The following SNTG2 variants were observed in gnomAD, a reference collection of about 807,000 sequenced individuals.
SNTG2 encodes gamma-2-syntrophin.
In SNTG2, 74 loss-of-function variants were observed where a neutral mutation model predicts 70.9. That is an observed-to-expected ratio of 1.04 (90% CI 0.86 to 1.27). The LOEUF is 1.27. SNTG2 is among the 50% of genes most tolerant of loss of function. The pLI, the probability that SNTG2 is intolerant of heterozygous loss-of-function variation, is 0.00. For synonymous variants in SNTG2, 278 were observed against 273.8 expected (o/e 1.02, Z -0.15); for missense variants, 717 against 690.7 (o/e 1.04, Z -0.43).
chr2:999,741 A>T (rs1661806254), intron 1 of SNTG2, among the ~76,000 whole-genome samples: 1 of 152,000 alleles, frequency 6.6e-6, no homozygotes, highest in Non-Finnish European at 1.5e-5. Context: ...TTGAAAATCA[A>T]CTAAAAATTA....
At chr2:1,290,672 C>G (rs553784141) in intron 14 of SNTG2, among the ~76,000 whole-genome samples, 1 of 152,246 alleles carries the variant, frequency 6.6e-6, no homozygotes, top group East Asian at 1.9e-4. Context: ...CACAAGACAG[C>G]ACTAGGAGGA....
At chr2:976,052 A>G (rs1037727260) in intron 1 of SNTG2, among the ~76,000 whole-genome samples, 1 of 152,174 alleles carries the variant, frequency 6.6e-6, no homozygotes, top group Non-Finnish European at 1.5e-5. Context: ...GTCTCCCACA[A>G]CTGCTCTTTT....
chr2:1,066,862 T>C (rs1251030358), intron 1 of SNTG2, among the ~76,000 whole-genome samples: 1 of 152,176 alleles, frequency 6.6e-6, no homozygotes, highest in Non-Finnish European at 1.5e-5. Flanking sequence ...GAGGATCAGC[T>C]TCCACGATTA....
intron 9 of SNTG2, among the ~76,000 whole-genome samples, chr2:1,228,375 G>C (rs576713432): frequency 1.3e-5 from 2 of 152,156 alleles, no homozygotes; most frequent in African/African-American, 2.4e-5. Context: ...GGGGAGGAGC[G>C]CCTCTCTCTC....
At chr2:1,032,869 A>G (rs752615592) in intron 1 of SNTG2, among the ~76,000 whole-genome samples, 7 of 152,104 alleles carry the variant, frequency 4.6e-5, no homozygotes, top group Non-Finnish European at 7.4e-5. Flanking sequence ...AAAGAGGTTT[A>G]TTTGGCTCAC....
intron 4 of SNTG2, among the ~76,000 whole-genome samples, chr2:1,121,150 A>G (rs901000175): frequency 1.3e-5 from 2 of 152,102 alleles, no homozygotes; most frequent in Non-Finnish European, 2.9e-5. Flanking sequence ...GCCCTGAACA[A>G]TCAATGGGTC....
intron 14 of SNTG2, among the ~76,000 whole-genome samples, chr2:1,299,267 C>CTAA (rs1420592081): frequency 1.3e-5 from 2 of 152,176 alleles, no homozygotes; most frequent in African/African-American, 4.8e-5. Flanking sequence ...CAGGGCTGCC[C>CTAA]TAAGGAATGT....
chr2:1,077,535 C>G (rs957840808), intron 1 of SNTG2, among the ~76,000 whole-genome samples: 4 of 152,164 alleles, frequency 2.6e-5, no homozygotes, highest in Non-Finnish European at 4.4e-5. Context: ...TCATGTGAGG[C>G]TCCATGAACC....
At chr2:1,338,541 C>G (rs774209708) in intron 16 of SNTG2, among the ~76,000 whole-genome samples, 14 of 152,114 alleles carry the variant, frequency 9.2e-5, no homozygotes, top group Non-Finnish European at 1.6e-4. Context: ...CTCCCAATCC[C>G]CAGCTCCGGG....
intron 6 of SNTG2, among the ~76,000 whole-genome samples, chr2:1,144,200 C>A (rs1377251832): frequency 6.6e-6 from 1 of 152,084 alleles, no homozygotes; most frequent in Admixed American, 6.6e-5. Flanking sequence ...AAACATAGAA[C>A]CTGGTTTCTC....
At chr2:1,072,744 T>C (rs1179275838) in intron 1 of SNTG2, among the ~76,000 whole-genome samples, 1 of 152,174 alleles carries the variant, frequency 6.6e-6, no homozygotes, top group African/African-American at 2.4e-5. Context: ...GTGATTCCTC[T>C]GATGGATCTG....
At chr2:1,360,665 G>T (rs1661090454) in intron 16 of SNTG2, among the ~76,000 whole-genome samples, 1 of 149,906 alleles carries the variant, frequency 6.7e-6, no homozygotes, top group Non-Finnish European at 1.5e-5. Flanking sequence ...AAAAAAGTCT[G>T]TCCCTAGGGG....
chr2:1,037,912 A>C (rs1352141434), intron 1 of SNTG2, among the ~76,000 whole-genome samples: 2 of 152,152 alleles, frequency 1.3e-5, no homozygotes, highest in South Asian at 4.1e-4. Flanking sequence ...GGTGGTGTTC[A>C]AGCTTTGGTG....
intron 14 of SNTG2, among the ~76,000 whole-genome samples, chr2:1,288,711 C>CAT (rs1679869433): frequency 1.3e-5 from 2 of 152,238 alleles, no homozygotes; most frequent in Admixed American, 1.3e-4. Flanking sequence ...TGCCCACACA[C>CAT]ATGCAGACCA....
At chr2:1,154,113 G>A (rs1230936617) in intron 6 of SNTG2, among the ~76,000 whole-genome samples, 1 of 152,186 alleles carries the variant, frequency 6.6e-6, no homozygotes, top group Admixed American at 6.5e-5. Context: ...ATGAGGAAGA[G>A]GGCAGGGAGC....
At chr2:1,057,014 A>C (rs1662503506) in intron 1 of SNTG2, among the ~76,000 whole-genome samples, 1 of 149,082 alleles carries the variant, frequency 6.7e-6, no homozygotes, top group Non-Finnish European at 1.5e-5. Context: ...AGGGCGGCGC[A>C]GCGCTGTGCT....
At chr2:995,047 T>A (rs1370840027) in intron 1 of SNTG2, among the ~76,000 whole-genome samples, 1 of 151,664 alleles carries the variant, frequency 6.6e-6, no homozygotes, top group East Asian at 1.9e-4. Flanking sequence ...TCTAGATGAG[T>A]TTTAGTTCTT....
At chr2:1,251,030 A>C (rs1171377813) in intron 12 of SNTG2, among the ~76,000 whole-genome samples, 1 of 152,238 alleles carries the variant, frequency 6.6e-6, no homozygotes, top group Non-Finnish European at 1.5e-5. Flanking sequence ...CAGAGCCATC[A>C]GCAGGGCTTC....
intron 13 of SNTG2, 76 bp downstream of exon 13, chr2:1,259,517 T>C: frequency 8.3e-7 from 1 of 1,203,740 alleles, no homozygotes; most frequent in Non-Finnish European, 1.2e-6. Context: ...GAGGATTGTT[T>C]GTTCTGCGTG....
Sources: allele counts gnomAD v4.1 joint callset (sites outside exome capture counted in the v4.1 genomes callset), GRCh38; gene constraint gnomAD v4.1.1; transcripts MANE v1.5; gene names NCBI Gene and HGNC (gene_info 2026-07-23, HGNC 2026-07-21).